The following VSTM4 variants were observed in gnomAD, a reference collection of about 807,000 sequenced individuals.
The protein encoded by VSTM4 is V-set and transmembrane domain containing 4, also known as V-set and transmembrane domain-containing protein 4.
Under a neutral mutation model 36.4 loss-of-function variants are expected in VSTM4, and 20 were observed. That is an observed-to-expected ratio of 0.55 (90% confidence interval 0.39 to 0.80). The LOEUF (loss-of-function observed/expected upper bound fraction) is 0.80, where lower values mean the gene tolerates loss of function less well. VSTM4 is among the 30% of genes least tolerant of loss of function. VSTM4 has a pLI of 0.00. For synonymous variants in VSTM4, 182 were observed against 173.9 expected, an observed-to-expected ratio of 1.05 and a Z score of -0.37; for missense variants, 392 against 404.5, an observed-to-expected ratio of 0.97 and a Z score of 0.26.
At chr10:49,092,468 A>ATTT (rs1844492653) in intron 2 of VSTM4, among the ~76,000 whole-genome samples, 1 of 152,210 alleles carries the variant, frequency 6.6e-6, no homozygotes, top group African/African-American at 2.4e-5. Flanking sequence ...TGCCTCTTCT[A>ATTT]TTTAATCTAG....
chr10:49,015,964 C>T lies in VSTM4; in HGVS notation c.*3686G>A, dbSNP rs1843099776. 6.6e-6 allele frequency: 1 copy of T among 152,238 alleles called. No individual in the cohort carries two copies. Among genetic ancestry groups the T allele is most frequent in the East Asian group, 1.9e-4 (1 of 5,184 alleles). The allele number at this position is 152,238 out of a possible 1,614,324, so 9.4% of individuals were successfully genotyped here. A position where few individuals can be genotyped will look rare whatever the true frequency, so the allele number is the denominator to read the frequency against. ...TTAGGGAGAGCATCAGTCCTGGAGCCCTCCATCGGGAGCTCTCCATTAAGA... is the reference window on the plus strand; with the variant it reads ...TTAGGGAGAGCATCAGTCCTGGAGCTCTCCATCGGGAGCTCTCCATTAAGA... On this transcript the variant is annotated 3_prime_UTR_variant, in exon 8 of 8. Transcript: ENST00000332853.
At chr10:49,095,800 C>T (rs1037099301) in intron 2 of VSTM4, among the ~76,000 whole-genome samples, 1 of 152,190 alleles carries the variant, frequency 6.6e-6, no homozygotes, top group Non-Finnish European at 1.5e-5. Flanking sequence ...ACCACATCTA[C>T]ACCATGGCTT....
At position 49,031,450 on chromosome 10, in the gene VSTM4, C is replaced by T. The variant is rs141628921; in HGVS notation, c.838-11675G>A. ...ATGCTATACAAGTGTTTGATTATTA[C>T]TATTGCTACTATTTACATTATAGAT... On this transcript the variant is annotated intron_variant, in intron 7 of 7. Coordinates refer to ENST00000332853, the MANE Select transcript of VSTM4 (RefSeq NM_001031746.5). Among the ~76,000 whole-genome samples the T allele has an allele frequency of 4.9e-3, 745 of 151,668 alleles. 9 individuals are homozygous for T. The highest frequency in any genetic ancestry group is 0.017 in the African/African-American group (711 of 41,424).
chr10:49,099,913 G>A (rs547369470), intron 2 of VSTM4, among the ~76,000 whole-genome samples: 4 of 152,296 alleles, frequency 2.6e-5, no homozygotes, highest in African/African-American at 9.6e-5. Context: ...CTACTTGAGA[G>A]GCTGAGGCAG....
intron 7 of VSTM4, among the ~76,000 whole-genome samples, chr10:49,040,485 G>A (rs140788918): frequency 1.2e-4 from 19 of 152,030 alleles, no homozygotes; most frequent in Non-Finnish European, 2.2e-4. Context: ...GAGGTTTCAC[G>A]ATATTGGCCG....
intron 7 of VSTM4, among the ~76,000 whole-genome samples, chr10:49,022,220 G>A (rs1032103005): frequency 2.0e-5 from 3 of 152,024 alleles, no homozygotes; most frequent in African/African-American, 7.3e-5. Flanking sequence ...TTTCATTTAA[G>A]CACCTCTGCT....
intron 3 of VSTM4, among the ~76,000 whole-genome samples, chr10:49,078,542 C>G (rs1430636763): frequency 6.6e-6 from 1 of 150,906 alleles, no homozygotes; most frequent in Non-Finnish European, 1.5e-5. Context: ...AAAAAAATCC[C>G]AAAAGGTTAC....
In VSTM4 at chr10:49,014,775, C is replaced by A. The variant is rs1843079466; in HGVS notation, c.*4875G>T. The A allele has an allele frequency of 6.5e-6, 1 of 153,066 alleles. No individual in the cohort carries two copies. Among genetic ancestry groups the A allele is most frequent in the African/African-American group, 2.4e-5 (1 of 41,480 alleles). The allele number at this position is 153,066 out of a possible 1,614,324, so 9.5% of individuals were successfully genotyped here. Reference sequence around the variant, plus strand: ...GGAGCAGCTTTCTCCTGGCTCTCCCCTGCTGCTGTGACTGTCACTGTCCTC... The same window carrying A: ...GGAGCAGCTTTCTCCTGGCTCTCCCATGCTGCTGTGACTGTCACTGTCCTC... On this transcript the variant is annotated 3_prime_UTR_variant, in exon 8 of 8. Coordinates refer to ENST00000332853, the MANE Select transcript of VSTM4 (RefSeq NM_001031746.5).
At chr10:49,040,577 T>C (rs1474402849) in intron 7 of VSTM4, among the ~76,000 whole-genome samples, 2 of 152,224 alleles carry the variant, frequency 1.3e-5, no homozygotes, top group Non-Finnish European at 1.5e-5. Context: ...TGAGCCACCA[T>C]GCCTGGCCTC....
chr10:49,052,739 T>G lies in VSTM4; in HGVS notation c.669-4155A>C, dbSNP rs143411160. On this transcript the variant is annotated intron_variant, in intron 5 of 7. Coordinates refer to ENST00000332853, the MANE Select transcript of VSTM4 (RefSeq NM_001031746.5). ...TTCCACTTCCTATTCTCTTTTTGGA[T>G]TTTTTTTAACTGTTTAATATAAAAT... Among the ~76,000 whole-genome samples the G allele has an allele frequency of 2.5e-3, 378 of 152,152 alleles. 2 individuals are homozygous for G. The highest frequency in any genetic ancestry group is 8.7e-3 in the African/African-American group (360 of 41,480).
intron 7 of VSTM4, among the ~76,000 whole-genome samples, chr10:49,024,382 G>A (rs1044231403): frequency 6.6e-6 from 1 of 152,152 alleles, no homozygotes; most frequent in African/African-American, 2.4e-5. Context: ...TCAGATACAC[G>A]CACGTATTGA....
At chr10:49,105,328 A>AGAG (rs748170981) in intron 2 of VSTM4, among the ~76,000 whole-genome samples, 1 of 47,574 alleles carries the variant, frequency 2.1e-5, no homozygotes, top group African/African-American at 1.7e-4. Context: ...AGAGAGAGAG[A>AGAG]CGGGGGGGGG....
intron 7 of VSTM4, among the ~76,000 whole-genome samples, chr10:49,021,817 G>C (rs925287256): frequency 6.6e-6 from 1 of 152,138 alleles, no homozygotes; most frequent in Non-Finnish European, 1.5e-5. Flanking sequence ...GGGGGCATTC[G>C]TATAACGCAA....
chr10:49,070,024 G>A (rs1369876968), intron 4 of VSTM4, among the ~76,000 whole-genome samples: 4 of 61,916 alleles, frequency 6.5e-5, no homozygotes, highest in Admixed American at 3.5e-4. Context: ...AGGCCGAGGC[G>A]GGCGGATCAC....
chr10:49,092,832 G>A (rs1490184763), intron 2 of VSTM4, among the ~76,000 whole-genome samples: 1 of 152,192 alleles, frequency 6.6e-6, no homozygotes, highest in Non-Finnish European at 1.5e-5. Context: ...TGGTAGTCCA[G>A]AGAACATGGA....
At chr10:49,029,968 C>T (rs1171397661) in intron 7 of VSTM4, among the ~76,000 whole-genome samples, 1 of 152,214 alleles carries the variant, frequency 6.6e-6, no homozygotes, top group African/African-American at 2.4e-5. Flanking sequence ...GGGGGCCCCG[C>T]ACCCCTCTCT....
In VSTM4 at chr10:49,100,365, C is replaced by G. The variant is rs1844645543; in HGVS notation, c.457+7229G>C. On this transcript the variant is annotated intron_variant, in intron 2 of 7. Transcript: ENST00000332853. ...CTATTGAAATGCAACTGAGAAACAC[C>G]ACATCTGAAATAATAAGTTAACTCA... Among the ~76,000 whole-genome samples the G allele has an allele frequency of 4.6e-5, 7 of 152,164 alleles. No individual in the cohort carries two copies. The South Asian group carries it at 1.5e-3, about 32-fold the overall frequency.
intron 5 of VSTM4, among the ~76,000 whole-genome samples, chr10:49,060,809 A>C (rs1843864588): frequency 6.6e-6 from 1 of 152,142 alleles, no homozygotes; most frequent in African/African-American, 2.4e-5. Flanking sequence ...TTTTATGTTT[A>C]GGTCTAAGAT....
chr10:49,099,409 T>C (rs1844628469), intron 2 of VSTM4, among the ~76,000 whole-genome samples: 1 of 152,244 alleles, frequency 6.6e-6, no homozygotes. Context: ...TCTGGAATCA[T>C]TTTTATCATG....
Sources: allele counts gnomAD v4.1 joint callset (sites outside exome capture counted in the v4.1 genomes callset), GRCh38; gene constraint gnomAD v4.1.1; transcripts MANE v1.5; gene names NCBI Gene and HGNC (gene_info 2026-07-23, HGNC 2026-07-21).